Variants in COP1 observed in about 807,000 individuals in gnomAD.
COP1 encodes E3 ubiquitin-protein ligase COP1.
A neutral mutation model predicts 101.3 loss-of-function variants in COP1; 24 were observed. The observed-to-expected ratio is 0.24, with a 90% CI of 0.17 to 0.33. The LOEUF (loss-of-function observed/expected upper bound fraction) is 0.33. Ranked by LOEUF, COP1 falls within the 10% of genes least tolerant of loss-of-function variation. The pLI, the probability that COP1 is intolerant of heterozygous loss-of-function variation, is 1.00. For synonymous variants in COP1, 347 were observed against 341.9 expected (o/e 1.01, Z -0.17); for missense variants, 663 against 906.2 (o/e 0.73, Z 3.45).
intron 18 of COP1, among the ~76,000 whole-genome samples, chr1:175,972,940 C>A (rs900895662): frequency 1.6e-4 from 24 of 152,156 alleles, no homozygotes; most frequent in African/African-American, 5.3e-4. Flanking sequence ...TCAAGCAATT[C>A]TTTTGCCTCA....
At chr1:176,044,069 C>T (rs2149188671) in intron 12 of COP1, among the ~76,000 whole-genome samples, 1 of 152,194 alleles carries the variant, frequency 6.6e-6, no homozygotes, top group South Asian at 2.1e-4. Context: ...GGATGTGAGC[C>T]TAGAGCTATC....
At chr1:176,181,326 G>C (rs1697716786) in intron 2 of COP1, among the ~76,000 whole-genome samples, 1 of 151,596 alleles carries the variant, frequency 6.6e-6, no homozygotes, top group African/African-American at 2.4e-5. Flanking sequence ...TACGTTACTA[G>C]AAAGTTGACA....
intron 9 of COP1, among the ~76,000 whole-genome samples, chr1:176,093,333 G>A (rs1410129217): frequency 6.6e-6 from 1 of 152,050 alleles, no homozygotes; most frequent in Non-Finnish European, 1.5e-5. Flanking sequence ...ACATATTAAT[G>A]AAATATATTC....
At chr1:176,006,398 T>C (rs1372140668) in intron 15 of COP1, among the ~76,000 whole-genome samples, 1 of 152,212 alleles carries the variant, frequency 6.6e-6, no homozygotes, top group East Asian at 1.9e-4. Context: ...ATTATGATGT[T>C]AGCTGGTTAT....
At chr1:176,027,773 T>C (rs1213657189) in intron 14 of COP1, 85 bp from the exon 15 acceptor site, 2 of 788,606 alleles carry the variant, frequency 2.5e-6, no homozygotes, top group East Asian at 2.6e-5. Context: ...GTTGGCTTAT[T>C]GCTCCAGAAA....
chr1:176,198,501 T>C (rs1699936183), intron 1 of COP1, among the ~76,000 whole-genome samples: 1 of 152,146 alleles, frequency 6.6e-6, no homozygotes, highest in African/African-American at 2.4e-5. Context: ...ATAAATCTTC[T>C]AGTAGAAAAT....
intron 15 of COP1, among the ~76,000 whole-genome samples, chr1:176,024,797 C>A (rs1452897336): frequency 6.6e-6 from 1 of 151,936 alleles, no homozygotes; most frequent in Non-Finnish European, 1.5e-5. Context: ...ATTAACAAAA[C>A]AATCAAAAAA....
intron 15 of COP1, among the ~76,000 whole-genome samples, chr1:176,005,743 A>T (rs905977344): frequency 1.6e-5 from 1 of 60,756 alleles, no homozygotes; most frequent in Non-Finnish European, 5.4e-5. Context: ...CTGTTCTTTT[A>T]CATTTGCTGA....
chr1:176,127,122 C>T (rs928067692), intron 8 of COP1, among the ~76,000 whole-genome samples: 4 of 152,006 alleles, frequency 2.6e-5, no homozygotes, highest in Admixed American at 6.5e-5. Context: ...TGAATATTTA[C>T]GAGGTATAAA....
In COP1 at chr1:176,162,930, T is replaced by G. The variant is rs1238752250; in HGVS notation, c.701A>C (p.Asp234Ala). The change falls in exon 5 of 20, where the codon GAT becomes GCT. Residue 234 changes from aspartate to alanine, a missense_variant. By Grantham distance (126) the Asp-to-Ala change is moderately radical (BLOSUM62 -2). This residue lies in a region of COP1 where 212 missense variants were observed against 240.7 expected (regional missense o/e 0.88). Transcript: ENST00000367669. The part of the protein sequence containing the change: ...DWLGTDQDNL[D>A]LANVNLMLEL... ...CAACATAAGATTGACATTGGCCAAATCAAGGTTATCTTGGTCAGTTCCCAA... is the reference window on the plus strand; with the variant it reads ...CAACATAAGATTGACATTGGCCAAAGCAAGGTTATCTTGGTCAGTTCCCAA... The G allele has an allele frequency of 5.0e-6, 8 of 1,609,440 alleles. No individual in the cohort carries two copies. Among genetic ancestry groups the G allele is most frequent in the Non-Finnish European group, 6.8e-6 (8 of 1,177,790 alleles).
intron 18 of COP1, among the ~76,000 whole-genome samples, chr1:175,972,157 T>C (rs1017120029): frequency 6.6e-6 from 1 of 152,236 alleles, no homozygotes; most frequent in Non-Finnish European, 1.5e-5. Context: ...AGGTGGTTCT[T>C]GGTCCTCACC....
At chr1:176,101,788 G>A (rs1572240373) in intron 9 of COP1, among the ~76,000 whole-genome samples, 2 of 152,098 alleles carry the variant, frequency 1.3e-5, no homozygotes, top group South Asian at 2.1e-4. Context: ...TCATGCAACC[G>A]AAGCCTCAGA....
chr1:175,992,588 G>C (rs111355551), intron 15 of COP1, among the ~76,000 whole-genome samples: 9,006 of 152,310 alleles, frequency 0.059, 607 homozygotes, highest in African/African-American at 0.16. Flanking sequence ...CGGACCAGGA[G>C]ATTATATCCC....
At position 175,986,260 on chromosome 1, in the gene COP1, T is replaced by C. The variant is rs530540722; in HGVS notation, c.2133+683A>G. 5.3e-5 allele frequency among the ~76,000 whole-genome samples: 8 copies of C among 152,172 alleles called. No individual in the cohort carries two copies. The South Asian group carries it at 1.5e-3, about 28-fold the overall frequency. On this transcript the variant is annotated intron_variant, in intron 18 of 19. Transcript: ENST00000367669. The stretch of plus-strand genomic sequence containing the variant: ...GGTCTTGATCTCCTGACCTCGTGAT[T>C]TGCCCGCCTCGGCCTCCCAAAGTGC...
chr1:176,199,132 A>G (rs866599116), intron 1 of COP1, among the ~76,000 whole-genome samples: 1 of 152,176 alleles, frequency 6.6e-6, no homozygotes, highest in African/African-American at 2.4e-5. Flanking sequence ...CCCGGCCAAC[A>G]CAGTGAAACC....
At chr1:176,168,055 A>G (rs1695405593) in intron 3 of COP1, among the ~76,000 whole-genome samples, 1 of 151,548 alleles carries the variant, frequency 6.6e-6, no homozygotes, top group African/African-American at 2.4e-5. Context: ...AGAAAATTCA[A>G]TTTACGATTT....
intron 1 of COP1, among the ~76,000 whole-genome samples, chr1:176,196,335 TA>T (rs1034730339): frequency 1.3e-5 from 2 of 151,384 alleles, no homozygotes; most frequent in South Asian, 2.1e-4. Flanking sequence ...TTGAAAAGAC[TA>T]AAAAAAATTA....
intron 2 of COP1, among the ~76,000 whole-genome samples, chr1:176,181,035 C>A (rs939470007): frequency 3.9e-5 from 6 of 152,130 alleles, no homozygotes; most frequent in Non-Finnish European, 8.8e-5. Flanking sequence ...TGGGCAAAGA[C>A]AAAGAGCCAA....
chr1:175,976,165 G>C (rs573888821), intron 18 of COP1, among the ~76,000 whole-genome samples: 96 of 151,154 alleles, frequency 6.4e-4, no homozygotes, highest in African/African-American at 2.3e-3. Context: ...AAGTTGCAAG[G>C]CTAATTTGTT....
Sources: allele counts gnomAD v4.1 joint callset (sites outside exome capture counted in the v4.1 genomes callset), GRCh38; gene constraint gnomAD v4.1.1; regional missense constraint gnomAD v4.1.1; transcripts MANE v1.5; gene names NCBI Gene and HGNC (gene_info 2026-07-23, HGNC 2026-07-21).